Variants in AGBL4 observed in about 807,000 individuals in gnomAD.
AGBL4 encodes the protein AGBL carboxypeptidase 4.
Under a neutral mutation model 66.4 loss-of-function variants are expected in AGBL4, and 58 were observed. The ratio of observed to expected loss-of-function variants is 0.87; its 90% CI spans 0.71 to 1.09. The LOEUF (loss-of-function observed/expected upper bound fraction) is 1.09. Among genes scored for constraint, AGBL4 ranks in the 50% least tolerant of loss-of-function variants. The probability of loss-of-function intolerance (pLI) is 0.00; values close to 1 mark genes in which losing one functional copy is unlikely to be tolerated. For synonymous variants in AGBL4, 234 were observed against 222.9 expected, an observed-to-expected ratio of 1.05 and a Z score of -0.44; for missense variants, 579 against 631.0, an observed-to-expected ratio of 0.92 and a Z score of 0.88.
At chr1:49,818,687 G>A (rs1238553064) in intron 2 of AGBL4, among the ~76,000 whole-genome samples, 1 of 152,024 alleles carries the variant, frequency 6.6e-6, no homozygotes, top group East Asian at 1.9e-4. Context: ...AATATGATAT[G>A]TGTATATGTA....
downstream of AGBL4, among the ~76,000 whole-genome samples, chr1:48,528,475 GCAT>G (rs1196311498): frequency 6.6e-6 from 1 of 152,064 alleles, no homozygotes; most frequent in Non-Finnish European, 1.5e-5. Flanking sequence ...GTTATAATAG[GCAT>G]CATTAGGATG....
At chr1:48,819,100 A>G (rs1274657171) in intron 6 of AGBL4, among the ~76,000 whole-genome samples, 1 of 152,192 alleles carries the variant, frequency 6.6e-6, no homozygotes, top group Non-Finnish European at 1.5e-5. Context: ...GCTCGTACAG[A>G]CAGTTTTCTC....
At chr1:49,829,754 C>G (rs866241800) in intron 2 of AGBL4, among the ~76,000 whole-genome samples, 6 of 152,102 alleles carry the variant, frequency 3.9e-5, no homozygotes, top group African/African-American at 1.2e-4. Context: ...TCTCCCAATG[C>G]TATCCCTCCC....
intron 3 of AGBL4, among the ~76,000 whole-genome samples, chr1:49,382,142 T>A (rs1278630230): frequency 1.3e-5 from 2 of 152,084 alleles, no homozygotes; most frequent in African/African-American, 4.8e-5. Flanking sequence ...GAAGTAAATT[T>A]CCATTTACTT....
intron 1 of AGBL4, among the ~76,000 whole-genome samples, chr1:49,985,716 A>C (rs1039808558): frequency 2.6e-5 from 4 of 152,138 alleles, no homozygotes; most frequent in Non-Finnish European, 5.9e-5. Context: ...TTACCTACAG[A>C]TGTTCAGCTC....
chr1:48,776,817 C>T, intron 6 of AGBL4: 1 of 1,516,830 alleles, frequency 6.6e-7, no homozygotes, highest in African/African-American at 1.4e-5. Flanking sequence ...CCAGGAACCG[C>T]ACAAAGGCGT....
intron 4 of AGBL4, among the ~76,000 whole-genome samples, chr1:49,209,368 A>T (rs1406604343): frequency 6.6e-6 from 1 of 152,052 alleles, no homozygotes; most frequent in African/African-American, 2.4e-5. Context: ...TCTCTGCTGG[A>T]CCTCTGTCAA....
At chr1:48,921,430 G>T (rs769918198) in intron 5 of AGBL4, among the ~76,000 whole-genome samples, 5 of 152,162 alleles carry the variant, frequency 3.3e-5, no homozygotes, top group African/African-American at 1.2e-4. Flanking sequence ...ACAATAAAGC[G>T]ATACGGTAGG....
intron 3 of AGBL4, among the ~76,000 whole-genome samples, chr1:49,621,734 T>C (rs1352947543): frequency 6.6e-6 from 1 of 152,184 alleles, no homozygotes; most frequent in Non-Finnish European, 1.5e-5. Context: ...CCCAGGTTTC[T>C]AGGGGCACCA....
chr1:49,541,152 T>C (rs1651981155), intron 3 of AGBL4, among the ~76,000 whole-genome samples: 1 of 152,238 alleles, frequency 6.6e-6, no homozygotes, highest in Admixed American at 6.5e-5. Context: ...ATACCTGGAC[T>C]GTATTTGTGA....
At chr1:49,441,820 G>A (rs974052756) in intron 3 of AGBL4, among the ~76,000 whole-genome samples, 1 of 152,184 alleles carries the variant, frequency 6.6e-6, no homozygotes, top group Non-Finnish European at 1.5e-5. Flanking sequence ...CTGTTCTGTG[G>A]ACACCACTCA....
At chr1:49,127,635 C>T (rs1237101174) in intron 4 of AGBL4, among the ~76,000 whole-genome samples, 2 of 152,114 alleles carry the variant, frequency 1.3e-5, no homozygotes, top group African/African-American at 4.8e-5. Context: ...CTAGGGAGAA[C>T]TGAACAACTC....
chr1:49,498,390 C>T (rs996394048), intron 3 of AGBL4, among the ~76,000 whole-genome samples: 2 of 151,762 alleles, frequency 1.3e-5, no homozygotes, highest in Non-Finnish European at 2.9e-5. Flanking sequence ...ACTTCCAGTA[C>T]TATGTTGAAT....
intron 5 of AGBL4, among the ~76,000 whole-genome samples, chr1:48,881,624 T>TA (rs1383689520): frequency 6.6e-6 from 1 of 152,084 alleles, no homozygotes. Context: ...CACATCTAGA[T>TA]AGCGTTAATA....
chr1:48,944,430 T>C (rs1417491557), intron 5 of AGBL4, among the ~76,000 whole-genome samples: 1 of 152,116 alleles, frequency 6.6e-6, no homozygotes, highest in Non-Finnish European at 1.5e-5. Context: ...TTCTGAAGTG[T>C]TCAGATTCTA....
chr1:48,971,781 T>C (rs1250169212), intron 5 of AGBL4, among the ~76,000 whole-genome samples: 3 of 152,194 alleles, frequency 2.0e-5, no homozygotes, highest in African/African-American at 7.2e-5. Flanking sequence ...TTAAGTTCAG[T>C]GCATTTTACT....
chr1:49,317,941 C>T (rs1178331833), intron 3 of AGBL4, among the ~76,000 whole-genome samples: 1 of 151,802 alleles, frequency 6.6e-6, no homozygotes, highest in Non-Finnish European at 1.5e-5. Flanking sequence ...ACCACATTAC[C>T]AAAAATAGTC....
intron 2 of AGBL4, among the ~76,000 whole-genome samples, chr1:49,768,685 G>A (rs1643964444): frequency 6.6e-6 from 1 of 152,002 alleles, no homozygotes; most frequent in Non-Finnish European, 1.5e-5. Context: ...GAGCAATCAG[G>A]CAAGAGAAAG....
downstream of AGBL4, among the ~76,000 whole-genome samples, chr1:48,528,430 C>A (rs1036629392): frequency 6.6e-6 from 1 of 152,080 alleles, no homozygotes; most frequent in Non-Finnish European, 1.5e-5. Flanking sequence ...GATCCCAGGT[C>A]TTTAGGGGAA....
Sources: allele counts gnomAD v4.1 joint callset (sites outside exome capture counted in the v4.1 genomes callset), GRCh38; gene constraint gnomAD v4.1.1; transcripts MANE v1.5; gene names NCBI Gene and HGNC (gene_info 2026-07-23, HGNC 2026-07-21).